SGCD: variants seen among roughly 807,000 people sequenced by gnomAD.
The protein encoded by SGCD is delta-sarcoglycan.
SGCD carries 18 observed loss-of-function variants against 36.6 expected under a neutral mutation model. The ratio of observed to expected loss-of-function variants is 0.49; its 90% CI spans 0.34 to 0.73. The LOEUF (loss-of-function observed/expected upper bound fraction) is 0.73. Among genes scored for constraint, SGCD ranks in the 30% least tolerant of loss-of-function variants. The pLI is 0.01. For synonymous variants in SGCD, 133 were observed against 130.6 expected, an observed-to-expected ratio of 1.02 and a Z score of -0.12; for missense variants, 387 against 346.7, an observed-to-expected ratio of 1.12 and a Z score of -0.92.
the SGCD span, among the ~76,000 whole-genome samples, chr5:155,751,035 C>G: frequency 6.6e-6 from 1 of 152,050 alleles, no homozygotes; most frequent in African/African-American, 2.4e-5. Context: ...TAGGATTGAC[C>G]GTTTTTGTTT....
chr5:155,918,545 A>T (rs551678139), intron 1 of SGCD, among the ~76,000 whole-genome samples: 1 of 152,376 alleles, frequency 6.6e-6, no homozygotes, highest in African/African-American at 2.4e-5. Flanking sequence ...CCTGGGGGAC[A>T]GGGTGAGGCT....
chr5:156,444,256 C>T (rs970843885), intron 3 of SGCD, among the ~76,000 whole-genome samples: 11 of 150,550 alleles, frequency 7.3e-5, no homozygotes, highest in African/African-American at 1.7e-4. Context: ...TTGCTTTTTC[C>T]TCTAGCTGTC....
At chr5:156,083,178 G>T (rs1167535560) in intron 1 of SGCD, among the ~76,000 whole-genome samples, 1 of 151,722 alleles carries the variant, frequency 6.6e-6, no homozygotes, top group African/African-American at 2.4e-5. Context: ...AGTTTCATTG[G>T]ATTGTTGTTT....
At chr5:155,735,125 G>C in the SGCD span, among the ~76,000 whole-genome samples, 1 of 152,170 alleles carries the variant, frequency 6.6e-6, no homozygotes, top group Non-Finnish European at 1.5e-5. Flanking sequence ...AGAAAAAGTG[G>C]CCATTGTCCT....
chr5:156,685,743 C>T (rs969757207), intron 7 of SGCD, among the ~76,000 whole-genome samples: 1 of 152,218 alleles, frequency 6.6e-6, no homozygotes, highest in Admixed American at 6.5e-5. Context: ...TCTACAGTAC[C>T]TACTTAACAA....
intron 1 of SGCD, among the ~76,000 whole-genome samples, chr5:155,975,230 A>G (rs987236802): frequency 2.0e-5 from 3 of 152,158 alleles, no homozygotes; most frequent in Non-Finnish European, 4.4e-5. Flanking sequence ...ACCATCACAC[A>G]TGTGCATTTA....
At chr5:156,601,871 A>AT (rs1449987485) in intron 6 of SGCD, among the ~76,000 whole-genome samples, 2 of 149,488 alleles carry the variant, frequency 1.3e-5, no homozygotes, top group African/African-American at 5.1e-5. Context: ...TTTAGTAGAG[A>AT]CGGGTTTCAC....
In SGCD at chr5:156,156,875, A is replaced by G. The variant is rs1404431583; in HGVS notation, c.-44+32856A>G. Among the ~76,000 whole-genome samples, 2 of 151,588 alleles carry G rather than the reference A, an allele frequency of 1.3e-5. 1 individual carries two copies. The highest frequency in any genetic ancestry group is 4.9e-5 in the African/African-American group (2 of 40,902). ...TTGATTTTCACATCTGGTTTAAGGC[A>G]GAGTGGTTTACTGTTGCCTTCTGAG... On this transcript the variant is annotated intron_variant, in intron 3 of 9. Transcript: ENST00000517913.
At chr5:156,433,361 C>T (rs754845848) in intron 3 of SGCD, among the ~76,000 whole-genome samples, 14 of 152,106 alleles carry the variant, frequency 9.2e-5, no homozygotes, top group Non-Finnish European at 1.8e-4. Flanking sequence ...GCTCTACTGC[C>T]TTCCCCAAAC....
rs77381967 is a variant in SGCD, at chr5:156,103,605, T to A, written c.-281-14273T>A. ...CCCTTAAACATTGAATTTAAAAGAATCAAAGTGTAATTTGGACCTAATTTG... is the reference window on the plus strand; with the variant it reads ...CCCTTAAACATTGAATTTAAAAGAAACAAAGTGTAATTTGGACCTAATTTG... On this transcript the variant is annotated intron_variant, in intron 1 of 9. Transcript: ENST00000517913. Among the ~76,000 whole-genome samples the A allele has an allele frequency of 4.3e-3, 660 of 152,190 alleles. 6 individuals are homozygous for A. The highest frequency in any genetic ancestry group is 9.8e-3 in the Admixed American group (150 of 15,258).
intron 3 of SGCD, among the ~76,000 whole-genome samples, chr5:156,368,694 C>T (rs2127737879): frequency 6.6e-6 from 1 of 152,250 alleles, no homozygotes; most frequent in South Asian, 2.1e-4. Context: ...ATTAGATTCT[C>T]ACAGGAGCAC....
the SGCD span, among the ~76,000 whole-genome samples, chr5:155,739,601 A>G: frequency 6.6e-6 from 1 of 152,254 alleles, no homozygotes; most frequent in Non-Finnish European, 1.5e-5. Context: ...AGGATATTTT[A>G]GAGAAACTCT....
At chr5:156,248,647 G>C (rs148279171) in intron 3 of SGCD, among the ~76,000 whole-genome samples, 8 of 152,324 alleles carry the variant, frequency 5.3e-5, no homozygotes, top group Non-Finnish European at 1.0e-4. Flanking sequence ...ATAATGTACA[G>C]ATTTAGGACT....
chr5:156,537,839 G>T (rs961306978), intron 4 of SGCD, among the ~76,000 whole-genome samples: 1 of 127,508 alleles, frequency 7.8e-6, no homozygotes, highest in Non-Finnish European at 1.8e-5. Flanking sequence ...ACAAGTGAAT[G>T]GAAAGAAAAA....
chr5:156,575,836 C>A (rs960479262), intron 4 of SGCD, among the ~76,000 whole-genome samples: 1 of 152,046 alleles, frequency 6.6e-6, no homozygotes, highest in Non-Finnish European at 1.5e-5. Flanking sequence ...CTTCTCAGAG[C>A]AAATAAAATA....
intron 3 of SGCD, among the ~76,000 whole-genome samples, chr5:156,163,240 A>G (rs1343330423): frequency 6.6e-6 from 1 of 151,702 alleles, no homozygotes; most frequent in Non-Finnish European, 1.5e-5. Flanking sequence ...GAAGATACTA[A>G]ATAGTTAAGA....
rs531797240 is a variant in SGCD at position 156,071,856 on chromosome 5, G to A, written c.-281-46022G>A. Among the ~76,000 whole-genome samples the A allele has an allele frequency of 2.7e-4, 41 of 152,262 alleles. 1 individual carries two copies. The South Asian group carries it at 7.7e-3, about 28-fold the overall frequency. On this transcript the variant is annotated intron_variant, in intron 1 of 9. Coordinates refer to the SGCD transcript ENST00000517913. Reference sequence around the variant, plus strand: ...TATATTTAGATAGTTAGCTCTTCTTGTTGAATTGATCCCTTTACCATTATG... The same window carrying A: ...TATATTTAGATAGTTAGCTCTTCTTATTGAATTGATCCCTTTACCATTATG...
At chr5:156,583,551 G>C (rs1760370649) in intron 4 of SGCD, among the ~76,000 whole-genome samples, 1 of 152,184 alleles carries the variant, frequency 6.6e-6, no homozygotes, top group African/African-American at 2.4e-5. Context: ...CTTTCTAGCA[G>C]ATGCCACAAG....
chr5:155,904,497 T>C (rs1756456653), intron 1 of SGCD, among the ~76,000 whole-genome samples: 1 of 152,234 alleles, frequency 6.6e-6, no homozygotes, highest in African/African-American at 2.4e-5. Flanking sequence ...ACTTTGTCTA[T>C]CATTTTTAAT....
Sources: gnomAD v4.1 joint callset for allele counts (sites outside exome capture counted in the v4.1 genomes callset) on GRCh38, gnomAD v4.1.1 for gene constraint, MANE v1.5 for transcripts, NCBI Gene and HGNC (gene_info 2026-07-23, HGNC 2026-07-21) for gene names.